The following ST6GALNAC3 variants were observed in gnomAD, a reference collection of about 807,000 sequenced individuals.
ST6GALNAC3 encodes alpha-N-acetylgalactosaminide alpha-2,6-sialyltransferase 3.
ST6GALNAC3 carries 25 observed loss-of-function variants against 32.7 expected under a neutral mutation model. That is an observed-to-expected ratio of 0.76 (90% CI 0.56 to 1.07). The LOEUF is 1.07. Among genes scored for constraint, ST6GALNAC3 ranks in the 50% least tolerant of loss-of-function variants. ST6GALNAC3 has a pLI of 0.00. For synonymous variants in ST6GALNAC3, 129 were observed against 133.1 expected, an observed-to-expected ratio of 0.97 and a Z score of 0.21; for missense variants, 355 against 382.4, an observed-to-expected ratio of 0.93 and a Z score of 0.60.
intron 1 of ST6GALNAC3, among the ~76,000 whole-genome samples, chr1:76,261,027 A>G (rs1238803919): frequency 6.6e-6 from 1 of 151,420 alleles, no homozygotes; most frequent in Non-Finnish European, 1.5e-5. Context: ...GAAATGGCCA[A>G]ATCAAGCTTA....
intron 2 of ST6GALNAC3, among the ~76,000 whole-genome samples, chr1:76,356,508 C>T (rs1649460182): frequency 7.1e-6 from 1 of 141,298 alleles, no homozygotes; most frequent in Admixed American, 7.1e-5. Flanking sequence ...ACAAAAATAA[C>T]ACTAGTAAGT....
At chr1:76,296,551 C>G (rs1394795978) in intron 1 of ST6GALNAC3, among the ~76,000 whole-genome samples, 1 of 152,072 alleles carries the variant, frequency 6.6e-6, no homozygotes. Flanking sequence ...ATTCAATTCT[C>G]TCTTTGTTTT....
At chr1:76,215,601 A>G (rs1171084472) in intron 1 of ST6GALNAC3, among the ~76,000 whole-genome samples, 2 of 152,228 alleles carry the variant, frequency 1.3e-5, no homozygotes, top group African/African-American at 4.8e-5. Flanking sequence ...AGTTACTTGC[A>G]TGGAAAAATG....
At chr1:76,232,260 C>G (rs145686798) in intron 1 of ST6GALNAC3, among the ~76,000 whole-genome samples, 72 of 152,294 alleles carry the variant, frequency 4.7e-4, no homozygotes, top group African/African-American at 1.6e-3. Context: ...GTATACTTTT[C>G]CAGAGTTTGT....
At chr1:76,182,117 G>A (rs993310801) in intron 1 of ST6GALNAC3, among the ~76,000 whole-genome samples, 1 of 152,184 alleles carries the variant, frequency 6.6e-6, no homozygotes, top group African/African-American at 2.4e-5. Flanking sequence ...CCCTGGGTTA[G>A]AAGACTGATA....
chr1:76,247,504 C>T (rs1028674456), intron 1 of ST6GALNAC3, among the ~76,000 whole-genome samples: 4 of 152,228 alleles, frequency 2.6e-5, no homozygotes, highest in Non-Finnish European at 5.9e-5. Flanking sequence ...TGCTGCATTT[C>T]CTTCGAAGAT....
At chr1:76,271,328 G>C (rs993068015) in intron 1 of ST6GALNAC3, among the ~76,000 whole-genome samples, 82 of 152,264 alleles carry the variant, frequency 5.4e-4, no homozygotes, top group African/African-American at 2.0e-3. Flanking sequence ...CCACTTCTTG[G>C]AACCAGAAGA....
At chr1:76,582,524 A>C (rs942580397) in intron 3 of ST6GALNAC3, among the ~76,000 whole-genome samples, 7 of 152,174 alleles carry the variant, frequency 4.6e-5, no homozygotes, top group African/African-American at 1.7e-4. Flanking sequence ...TATAGAAGGA[A>C]TGTCAAAGAG....
intron 3 of ST6GALNAC3, among the ~76,000 whole-genome samples, chr1:76,497,317 A>T (rs1176325810): frequency 6.6e-6 from 1 of 152,164 alleles, no homozygotes; most frequent in African/African-American, 2.4e-5. Context: ...AGTCTTGGGG[A>T]GCCTTCCCAA....
At chr1:76,533,390 G>C (rs969760245) in intron 3 of ST6GALNAC3, among the ~76,000 whole-genome samples, 5 of 152,206 alleles carry the variant, frequency 3.3e-5, no homozygotes, top group East Asian at 1.9e-4. Context: ...AACGTCCACA[G>C]TGTGGGTTCC....
chr1:76,160,712 C>G (rs1001472230), intron 1 of ST6GALNAC3, among the ~76,000 whole-genome samples: 1 of 152,168 alleles, frequency 6.6e-6, no homozygotes, highest in African/African-American at 2.4e-5. Context: ...TTGGTGCACA[C>G]ACACACACAG....
chr1:76,148,456 C>A (rs2100318489), intron 1 of ST6GALNAC3, among the ~76,000 whole-genome samples: 1 of 152,278 alleles, frequency 6.6e-6, no homozygotes, highest in South Asian at 2.1e-4. Flanking sequence ...ATAGGTTGCC[C>A]AATTTAGGGC....
intron 3 of ST6GALNAC3, among the ~76,000 whole-genome samples, chr1:76,416,569 AT>A (rs1654639973): frequency 1.3e-5 from 2 of 151,802 alleles, no homozygotes; most frequent in Admixed American, 6.6e-5. Context: ...TTAAAAAAAA[AT>A]ATAGCCCTTC....
intron 1 of ST6GALNAC3, among the ~76,000 whole-genome samples, chr1:76,157,748 T>C (rs188866312): frequency 3.2e-4 from 49 of 152,328 alleles, no homozygotes; most frequent in Non-Finnish European, 2.5e-4. Flanking sequence ...ACCATTACAG[T>C]AATGTACAGA....
intron 3 of ST6GALNAC3, among the ~76,000 whole-genome samples, chr1:76,451,170 C>A (rs1306584052): frequency 6.6e-6 from 1 of 152,054 alleles, no homozygotes; most frequent in Non-Finnish European, 1.5e-5. Flanking sequence ...ATTGATTCTA[C>A]CCATCTGTAT....
chr1:76,445,756 T>C (rs535644500), intron 3 of ST6GALNAC3, among the ~76,000 whole-genome samples: 1 of 152,344 alleles, frequency 6.6e-6, no homozygotes, highest in African/African-American at 2.4e-5. Context: ...AAACTAGCTT[T>C]TATTTTTTAT....
At chr1:76,471,920 A>T (rs929092238) in intron 3 of ST6GALNAC3, among the ~76,000 whole-genome samples, 1 of 151,164 alleles carries the variant, frequency 6.6e-6, no homozygotes, top group Non-Finnish European at 1.5e-5. Context: ...TGCCTATGCT[A>T]TTGAGCCATT....
chr1:76,118,828 A>T (rs533695118), intron 1 of ST6GALNAC3, among the ~76,000 whole-genome samples: 110 of 151,358 alleles, frequency 7.3e-4, no homozygotes, highest in African/African-American at 2.6e-3. Flanking sequence ...CTTGATGGCA[A>T]TTTTTTCTTT....
chr1:76,496,616 C>T (rs950176607), intron 3 of ST6GALNAC3, among the ~76,000 whole-genome samples: 3 of 152,064 alleles, frequency 2.0e-5, no homozygotes, highest in Non-Finnish European at 4.4e-5. Context: ...CTCCAAACCT[C>T]CCCACCCACT....
Sources: gnomAD v4.1 joint callset for allele counts (sites outside exome capture counted in the v4.1 genomes callset) on GRCh38, gnomAD v4.1.1 for gene constraint, MANE v1.5 for transcripts, NCBI Gene and HGNC (gene_info 2026-07-23, HGNC 2026-07-21) for gene names.